BPTF: variants seen among roughly 807,000 people sequenced by gnomAD.
BPTF encodes the protein nucleosome-remodeling factor subunit BPTF.
A neutral mutation model predicts 292.5 loss-of-function variants in BPTF; 18 were observed. The ratio of observed to expected loss-of-function variants is 0.06; its 90% CI spans 0.04 to 0.09. The LOEUF is 0.09. Among genes scored for constraint, BPTF ranks in the 10% least tolerant of loss-of-function variants. The probability of loss-of-function intolerance (pLI) is 1.00; values close to 1 mark genes in which losing one functional copy is unlikely to be tolerated. For missense variants in BPTF, 2,726 were observed against 3,498.7 expected (o/e 0.78, Z 5.57); for synonymous variants, 1,225 against 1,251.9 (o/e 0.98, Z 0.45).
At chr17:67,973,113 G>A (rs1325238249) in intron 26 of BPTF, among the ~76,000 whole-genome samples, 3 of 147,302 alleles carry the variant, frequency 2.0e-5, no homozygotes, top group Non-Finnish European at 3.0e-5. Flanking sequence ...GGTGGCTCAC[G>A]CCTGTAATCC....
intron 23 of BPTF, 71 bp downstream of exon 23, chr17:67,948,377 T>C: frequency 1.5e-6 from 2 of 1,368,918 alleles, no homozygotes; most frequent in Non-Finnish European, 2.0e-6. Flanking sequence ...TCCCTTGCCT[T>C]TTTAATAAAG....
chr17:67,909,552 C>A, intron 9 of BPTF, 30 bp from the exon 10 acceptor site: 5 of 1,417,804 alleles, frequency 3.5e-6, no homozygotes, highest in Non-Finnish European at 4.7e-6. Context: ...CTGGAAATAA[C>A]GTAAATTATC....
intron 3 of BPTF, among the ~76,000 whole-genome samples, chr17:67,869,837 A>AG (rs896868693): frequency 6.8e-6 from 1 of 147,316 alleles, no homozygotes; most frequent in African/African-American, 2.5e-5. Context: ...CAAAAAAAAA[A>AG]AAAAAAAAAA....
At chr17:67,832,255 TA>T (rs916556093) in intron 1 of BPTF, among the ~76,000 whole-genome samples, 65 of 146,282 alleles carry the variant, frequency 4.4e-4, no homozygotes, top group African/African-American at 6.0e-4. Flanking sequence ...TTTCTTAATT[TA>T]AAAAAAAAAA....
rs186327689 is a variant in BPTF, at chr17:67,865,387, A to G, written c.1437-1077A>G. ...TTATTGATCACTGGTGTGCCCAGGC[A>G]CTGTGGTAGATGCCTTATCATTATA... On this transcript the variant is annotated intron_variant, in intron 2 of 27. Transcript: ENST00000306378. Among the ~76,000 whole-genome samples, 18 of 152,344 alleles carry G rather than the reference A, an allele frequency of 1.2e-4. No individual in the cohort carries two copies. In the East Asian group the frequency reaches 3.5e-3, roughly 29 times the overall value.
chr17:67,836,224 A>C (rs745791325), intron 1 of BPTF, among the ~76,000 whole-genome samples: 3 of 152,196 alleles, frequency 2.0e-5, no homozygotes, highest in Non-Finnish European at 4.4e-5. Context: ...TTGCTAAGAA[A>C]GTTATACTTA....
Position 67,837,024 on chromosome 17 carries a change from T to C in BPTF, c.613+10687T>C, listed in dbSNP as rs147173000. On this transcript the variant is annotated intron_variant, in intron 1 of 27. Transcript: ENST00000306378. ...GCTTTAATAGCATGAGTTGTGAATC[T>C]TCTCTGTGTCTCAGAAGAAACCTAA... 5.1e-4 allele frequency among the ~76,000 whole-genome samples: 77 copies of C among 152,342 alleles called. No homozygotes were observed. In the East Asian group the frequency reaches 0.011, roughly 22 times the overall value.
chr17:67,857,833 C>A (rs1378566114), intron 2 of BPTF, among the ~76,000 whole-genome samples: 17 of 135,544 alleles, frequency 1.3e-4, no homozygotes, highest in Non-Finnish European at 2.0e-4. Flanking sequence ...GTTGCCCCGG[C>A]TAGAGTACAG....
At chr17:67,942,989 C>A (rs2065502952) in intron 19 of BPTF, among the ~76,000 whole-genome samples, 1 of 152,120 alleles carries the variant, frequency 6.6e-6, no homozygotes, top group Non-Finnish European at 1.5e-5. Flanking sequence ...CCATTGTATT[C>A]TTTGTGAATA....
intron 15 of BPTF, among the ~76,000 whole-genome samples, chr17:67,925,633 A>G (rs528023638): frequency 1.3e-5 from 2 of 152,360 alleles, no homozygotes; most frequent in Admixed American, 6.5e-5. Flanking sequence ...TACCAACTTC[A>G]GTATATAAAC....
intron 23 of BPTF, among the ~76,000 whole-genome samples, chr17:67,949,269 G>T (rs1441568742): frequency 6.6e-6 from 1 of 152,126 alleles, no homozygotes; most frequent in African/African-American, 2.4e-5. Flanking sequence ...GGAGGCTAAG[G>T]CAGGATGATC....
At chr17:67,947,367 A>T (rs2065891610) in intron 21 of BPTF, among the ~76,000 whole-genome samples, 1 of 152,226 alleles carries the variant, frequency 6.6e-6, no homozygotes, top group Non-Finnish European at 1.5e-5. Context: ...AATGTTAAAA[A>T]TACGGCCTTT....
intron 15 of BPTF, among the ~76,000 whole-genome samples, chr17:67,926,165 G>A (rs1013283176): frequency 4.6e-5 from 7 of 150,786 alleles, no homozygotes; most frequent in South Asian, 2.1e-4. Flanking sequence ...GCACCACCGT[G>A]TCTGGCTGAT....
At chr17:67,957,920 A>G (rs1411747521) in intron 23 of BPTF, among the ~76,000 whole-genome samples, 1 of 152,228 alleles carries the variant, frequency 6.6e-6, no homozygotes, top group Non-Finnish European at 1.5e-5. Context: ...GTGGATGCCA[A>G]TCACAATGGG....
intron 20 of BPTF, among the ~76,000 whole-genome samples, chr17:67,944,854 T>A (rs1328336260): frequency 6.6e-6 from 1 of 152,114 alleles, no homozygotes; most frequent in Non-Finnish European, 1.5e-5. Flanking sequence ...CCCAGCTGAT[T>A]TCCAGAGGCT....
At chr17:67,835,308 C>T (rs2057038046) in intron 1 of BPTF, among the ~76,000 whole-genome samples, 1 of 152,182 alleles carries the variant, frequency 6.6e-6, no homozygotes, top group South Asian at 2.1e-4. Flanking sequence ...ATGTATTGCA[C>T]CACACAAATG....
intron 23 of BPTF, among the ~76,000 whole-genome samples, chr17:67,950,051 CAAAAAAAAA>C (rs567911150): frequency 1.5e-5 from 1 of 68,578 alleles, no homozygotes; most frequent in African/African-American, 6.9e-5. Context: ...GAGACTGTCT[CAAAAAAAAA>C]AAAAAAAAAA....
Position 67,904,812 on chromosome 17 carries a change from T to C in BPTF, c.2784T>C (p.Asn928=). The change falls in exon 9 of 28, where the codon AAT becomes AAC. Residue 928 remains asparagine, a synonymous_variant. Transcript: ENST00000306378. ...RFVPKLPGNT[N]VNYRKSLEGT... ...TTCCTAAATTGCCAGGCAATACTAATGTGAATTACAGAAAGTCGTTAGAAG... is the reference window on the plus strand; with the variant it reads ...TTCCTAAATTGCCAGGCAATACTAACGTGAATTACAGAAAGTCGTTAGAAG... 1 of 1,612,982 alleles carries C rather than the reference T, an allele frequency of 6.2e-7. No individual in the cohort carries two copies. The highest frequency in any genetic ancestry group is 8.5e-7 in the Non-Finnish European group (1 of 1,179,304).
At chr17:67,917,081 A>C (rs2063057395) in intron 11 of BPTF, among the ~76,000 whole-genome samples, 1 of 150,612 alleles carries the variant, frequency 6.6e-6, no homozygotes, top group Non-Finnish European at 1.5e-5. Flanking sequence ...AGAAACAAAC[A>C]TGAACACAGA....
Sources: gnomAD v4.1 joint callset for allele counts (sites outside exome capture counted in the v4.1 genomes callset) on GRCh38, gnomAD v4.1.1 for gene constraint, MANE v1.5 for transcripts, NCBI Gene and HGNC (gene_info 2026-07-23, HGNC 2026-07-21) for gene names.